The following ARHGAP17 variants were observed in gnomAD, a reference collection of about 807,000 sequenced individuals.
ARHGAP17 encodes the protein rho GTPase-activating protein 17.
In ARHGAP17, 57 loss-of-function variants were observed where a neutral mutation model predicts 99.5. The observed-to-expected ratio is 0.57, with a 90% CI of 0.46 to 0.71. ARHGAP17 has a LOEUF of 0.71. Among genes scored for constraint, ARHGAP17 ranks in the 30% least tolerant of loss-of-function variants. The pLI is 0.00. For missense variants in ARHGAP17, 1,000 were observed against 1,122.4 expected (o/e 0.89, Z 1.56); for synonymous variants, 417 against 429.6 (o/e 0.97, Z 0.36).
intron 18 of ARHGAP17, among the ~76,000 whole-genome samples, chr16:24,934,695 G>A (rs1456134425): frequency 2.0e-5 from 3 of 152,036 alleles, no homozygotes; most frequent in Non-Finnish European, 2.9e-5. Context: ...GGCCTCAAGC[G>A]ATCTTCCTGC....
chr16:24,958,122 C>T (rs1432922212), intron 9 of ARHGAP17, among the ~76,000 whole-genome samples: 2 of 152,176 alleles, frequency 1.3e-5, no homozygotes, highest in East Asian at 3.8e-4. Context: ...TTTCCTGTCC[C>T]ATCCCCGCTC....
Position 24,930,909 on chromosome 16 carries a change from G to A in ARHGAP17, c.2390C>T (p.Pro797Leu), listed in dbSNP as rs368479893. ...AQPHAGTLPR[P>L]RPVPKPRNRP... is the part of the protein sequence containing the mutation. ...GTTCCTTGGCTTTGGTACTGGTCTC[G>A]GTCTCGGTAAGGTTCCAGCATGTGG... The change falls in exon 19 of 20, where the codon CCG becomes CTG. Residue 797 changes from proline to leucine, a missense_variant. By Grantham distance (98) the Pro-to-Leu change is moderately conservative (BLOSUM62 -3). Around this residue, in one of 2 missense-constraint regions of ARHGAP17, gnomAD observed 528 missense variants for 511.4 expected, o/e 1.03. Coordinates refer to ENST00000289968, the MANE Select transcript of ARHGAP17 (RefSeq NM_001006634.3). 164 of 1,614,036 alleles carry A rather than the reference G, an allele frequency of 1.0e-4. 1 individual carries two copies. The South Asian group carries it at 1.5e-3, about 14-fold the overall frequency.
intron 1 of ARHGAP17, among the ~76,000 whole-genome samples, chr16:25,007,630 T>C (rs867339518): frequency 4.5e-4 from 69 of 152,178 alleles, no homozygotes; most frequent in African/African-American, 1.5e-3. Flanking sequence ...CCTCCCAAAA[T>C]GCTGAGATTA....
chr16:24,974,565 C>CT (rs746112585), intron 3 of ARHGAP17, among the ~76,000 whole-genome samples: 10 of 152,286 alleles, frequency 6.6e-5, no homozygotes, highest in Non-Finnish European at 1.3e-4. Context: ...ATTCTGGTCC[C>CT]TGTTAAGAAC....
rs114956030 is a variant in ARHGAP17, at chr16:24,941,685, G to A, written c.1490+302C>T. On this transcript the variant is annotated intron_variant, in intron 16 of 19. Transcript: ENST00000289968. ...TTCCTTTCTGTTTCCCCCCACTCACGTACATCTGGGTCACTTTTAACATGT... is the reference window on the plus strand; with the variant it reads ...TTCCTTTCTGTTTCCCCCCACTCACATACATCTGGGTCACTTTTAACATGT... 8.7e-3 allele frequency: 2,788 copies of A among 321,842 alleles called. 59 individuals carry two copies. The highest frequency in any genetic ancestry group is 0.05 in the African/African-American group (2,318 of 46,098). The allele number at this position is 321,842 out of a possible 1,614,324, so 19.9% of individuals were successfully genotyped here. A position where few individuals can be genotyped will look rare whatever the true frequency, so the allele number is the denominator to read the frequency against.
intron 2 of ARHGAP17, among the ~76,000 whole-genome samples, chr16:24,978,352 C>G (rs1256483002): frequency 2.0e-5 from 3 of 152,172 alleles, no homozygotes; most frequent in African/African-American, 7.2e-5. Context: ...GTTGAGAGGG[C>G]CCATGTCTAC....
chr16:24,930,895 T>C lies in ARHGAP17; in HGVS notation c.2404A>G (p.Lys802Glu). The C allele has an allele frequency of 6.2e-7, 1 of 1,613,836 alleles. No individual in the cohort carries two copies. The highest frequency in any genetic ancestry group is 1.1e-5 in the South Asian group (1 of 91,044). Residue 802 changes from lysine (K) to glutamate (E), a missense_variant, in exon 19 of 20, where the codon AAG becomes GAG. By Grantham distance (56) the Lys-to-Glu change is moderately conservative (BLOSUM62 1). Transcript: ENST00000289968. The stretch of plus-strand genomic sequence containing the variant: ...GGCACGCTGGGCCGGTTCCTTGGCT[T>C]TGGTACTGGTCTCGGTCTCGGTAAG... ...GTLPRPRPVP[K>E]PRNRPSVPPP... is the part of the protein sequence containing the mutation.
At chr16:24,933,601 T>C (rs991409764) in intron 18 of ARHGAP17, among the ~76,000 whole-genome samples, 2 of 152,132 alleles carry the variant, frequency 1.3e-5, no homozygotes, top group African/African-American at 4.8e-5. Flanking sequence ...TTAGCTGTAC[T>C]CCAGACTGCC....
At chr16:24,976,489 A>G (rs897942635) in intron 3 of ARHGAP17, among the ~76,000 whole-genome samples, 31 of 152,048 alleles carry the variant, frequency 2.0e-4, no homozygotes, top group Admixed American at 4.6e-4. Context: ...TGACTGTACT[A>G]CCACACTACA....
At chr16:24,970,690 T>C in intron 3 of ARHGAP17, 110 bp from the exon 4 acceptor site, 1 of 954,938 alleles carries the variant, frequency 1.0e-6, no homozygotes, top group Non-Finnish European at 1.7e-6. Flanking sequence ...ATTACACAGG[T>C]AGGAGACAGC....
intron 1 of ARHGAP17, among the ~76,000 whole-genome samples, chr16:25,009,136 T>G (rs1182242555): frequency 6.6e-6 from 1 of 152,018 alleles, no homozygotes; most frequent in Non-Finnish European, 1.5e-5. Context: ...GAGGCCAAGG[T>G]GGGTGGATCA....
At position 24,959,755 on chromosome 16, in the gene ARHGAP17, G is replaced by A. The variant is rs2051926466; in HGVS notation, c.643-3C>T. ...TAATCTGCTTGGGCTTCTAATAACT[G>A]AGAACAGACCCACATTCAAAAACAA... On this transcript the variant is annotated splice_region_variant and splice_polypyrimidine_tract_variant and intron_variant, in intron 8 of 19. Transcript: ENST00000289968. 6.2e-7 allele frequency: 1 copy of A among 1,613,884 alleles called. No homozygotes were observed. The highest frequency in any genetic ancestry group is 8.5e-7 in the Non-Finnish European group (1 of 1,179,988).
chr16:24,968,831 T>A, intron 4 of ARHGAP17, 59 bp from the exon 5 acceptor site: 4 of 1,527,766 alleles, frequency 2.6e-6, no homozygotes, highest in Non-Finnish European at 3.6e-6. Flanking sequence ...CACTGGATTA[T>A]CGTGTGGATC....
chr16:24,972,500 T>C (rs2052396205), intron 3 of ARHGAP17: 1 of 152,108 alleles, frequency 6.6e-6, no homozygotes, highest in African/African-American at 2.4e-5. Flanking sequence ...TTCAAATAAA[T>C]AAATAATGGG....
chr16:24,929,069 C>G (rs1423110978), intron 19 of ARHGAP17, among the ~76,000 whole-genome samples: 1 of 152,044 alleles, frequency 6.6e-6, no homozygotes, highest in Non-Finnish European at 1.5e-5. Context: ...TGGTTGGATG[C>G]TGGTGAGCCC....
At position 24,970,587 on chromosome 16, in the gene ARHGAP17, G is replaced by A. The variant is rs1309181057; in HGVS notation, c.199-7C>T. 4 of 1,611,540 alleles carry A rather than the reference G, an allele frequency of 2.5e-6. No homozygotes were observed. Among genetic ancestry groups the A allele is most frequent in the Admixed American group, 3.3e-5 (2 of 60,004 alleles). ...CTGTCAGAGGCAGTTTTTTCTGGAAGATAGAAGACAGTGTGTGTTTTTCTC... is the reference window on the plus strand; with the variant it reads ...CTGTCAGAGGCAGTTTTTTCTGGAAAATAGAAGACAGTGTGTGTTTTTCTC... On this transcript the variant is annotated splice_region_variant and splice_polypyrimidine_tract_variant and intron_variant, in intron 3 of 19. Transcript: ENST00000289968.
intron 1 of ARHGAP17, among the ~76,000 whole-genome samples, chr16:24,992,623 C>T (rs1023727447): frequency 6.6e-6 from 1 of 152,076 alleles, no homozygotes; most frequent in South Asian, 2.1e-4. Flanking sequence ...CGTGAGCCAC[C>T]GTGCCTGGCC....
chr16:24,947,618 AG>A, intron 13 of ARHGAP17, 23 bp from the exon 14 acceptor site: 1 of 1,584,236 alleles, frequency 6.3e-7, no homozygotes, highest in South Asian at 1.1e-5. Context: ...AGAGAAGGGG[AG>A]GGTTTCTCCT....
At chr16:24,952,827 TA>T in intron 11 of ARHGAP17, 103 bp downstream of exon 11, 1 of 1,092,746 alleles carries the variant, frequency 9.2e-7, no homozygotes, top group South Asian at 1.4e-5. Context: ...TTTTGTCACT[TA>T]AACCTGTAAC....
Sources: gnomAD v4.1 joint callset for allele counts (sites outside exome capture counted in the v4.1 genomes callset) on GRCh38, gnomAD v4.1.1 for gene constraint, gnomAD v4.1.1 regional missense constraint, MANE v1.5 for transcripts, NCBI Gene and HGNC (gene_info 2026-07-23, HGNC 2026-07-21) for gene names.